The following HDDC3 variants were observed in gnomAD, a reference collection of about 807,000 sequenced individuals.
HDDC3 encodes the protein HD domain containing 3.
A neutral mutation model predicts 19.1 loss-of-function variants in HDDC3; 18 were observed. The ratio of observed to expected loss-of-function variants is 0.94; its 90% CI spans 0.65 to 1.40. The LOEUF is 1.40. Ranked by LOEUF, HDDC3 falls within the 40% of genes most tolerant of loss-of-function variation. The pLI, the probability that HDDC3 is intolerant of heterozygous loss-of-function variation, is 0.00. For synonymous variants in HDDC3, 107 were observed against 99.4 expected (o/e 1.08, Z -0.46); for missense variants, 250 against 228.9 (o/e 1.09, Z -0.59).
At chr15:90,931,512 G>A (rs9806656) in intron 3 of HDDC3, 107 bp from the exon 4 acceptor site, 37 of 1,614,050 alleles carry the variant, frequency 2.3e-5, no homozygotes, top group East Asian at 4.5e-5. Context: ...CTGATGGAAT[G>A]AGCTGTCCTG....
At position 90,932,039 on chromosome 15, in the gene HDDC3, G is replaced by A; in HGVS notation, c.168+16C>T. ...ATCCCCATCCCAGGCTCCTGGCAGA[G>A]AAGGGGGAAAGTTACCTGTAACACC... On this transcript the variant is annotated intron_variant, in intron 2 of 3. Transcript: ENST00000394272. 6.2e-7 allele frequency: 1 copy of A among 1,613,956 alleles called. No homozygotes were observed. Among genetic ancestry groups the A allele is most frequent in the Non-Finnish European group, 8.5e-7 (1 of 1,179,932 alleles).
chr15:90,931,737 T>C lies in HDDC3; in HGVS notation c.376A>G (p.Asn126Asp). The C allele has an allele frequency of 6.2e-7, 1 of 1,614,130 alleles. No individual in the cohort carries two copies. The highest frequency in any genetic ancestry group is 1.1e-5 in the South Asian group (1 of 91,078). Reference protein sequence around the residue: ...KLVKLADKLYNLRDLNRCTPE... With the variant: ...KLVKLADKLYDLRDLNRCTPE... ...GTGCAGCGATTCAGGTCCCTCAGAT[T>C]GTACAGCTTGTCTGCCAGCTTCACC... The change falls in exon 3 of 4, where the codon AAT becomes GAT. Residue 126 changes from asparagine to aspartate, a missense_variant. Transcript: ENST00000394272.
chr15:90,932,221 G>A (rs2035825188), intron 1 of HDDC3, 111 bp from the exon 2 acceptor site: 3 of 1,228,460 alleles, frequency 2.4e-6, no homozygotes, highest in Middle Eastern at 2.6e-4. Flanking sequence ...CTAGCTGGGT[G>A]ACCTTGGTCA....
chr15:90,932,195 C>A (rs2035823727), intron 1 of HDDC3, 85 bp from the exon 2 acceptor site: 1 of 1,393,738 alleles, frequency 7.2e-7, no homozygotes, highest in South Asian at 1.4e-5. Flanking sequence ...CAGATGTGGC[C>A]CCTTGTGGAC....
chr15:90,932,083 G>A lies in HDDC3; in HGVS notation c.140C>T (p.Ala47Val), dbSNP rs780552478. 4 of 1,608,080 alleles carry A rather than the reference G, an allele frequency of 2.5e-6. No individual in the cohort carries two copies. The African/African-American group carries it at 5.3e-5, about 21-fold the overall frequency. The change falls in exon 2 of 4, where the codon GCG (alanine) becomes GTG (valine). Residue 47 changes from alanine (A) to valine (V), a missense_variant. Coordinates refer to ENST00000394272, the MANE Select transcript of HDDC3 (RefSeq NM_001286451.2). ...IGVARILTHE[A>V]GITDIVVLQA... ...TAACACCACAATGTCAGTGATTCCC[G>A]CCTCGTGGGTCAGGATCCGTGCCAC...
chr15:90,931,150 T>C lies in HDDC3; in HGVS notation c.*125A>G. 2 of 1,195,872 alleles carry C rather than the reference T, an allele frequency of 1.7e-6. No individual in the cohort carries two copies. The highest frequency in any genetic ancestry group is 1.5e-5 in the African/African-American group (1 of 65,100). 74.1% of individuals were successfully genotyped at this position (1,195,872 alleles called of 1,614,324 possible). A position where few individuals can be genotyped will look rare whatever the true frequency, so the allele number is the denominator to read the frequency against. On this transcript the variant is annotated 3_prime_UTR_variant, in exon 4 of 4. Transcript: ENST00000394272. The stretch of plus-strand genomic sequence containing the variant: ...TTCAGACTGAGAAAAAATGCAAGTC[T>C]TTTTTTGGCCTCTAATATCTGGGAA...
At chr15:90,932,308 G>A (rs1596201555) in intron 1 of HDDC3, 121 bp downstream of exon 1, 2 of 794,452 alleles carry the variant, frequency 2.5e-6, no homozygotes, top group East Asian at 2.8e-5. Flanking sequence ...AGGCTTAAAC[G>A]GTATATCGCA....
rs2035841933 is a variant in HDDC3 at position 90,932,548 on chromosome 15, A to T, written c.-8T>A. ...CGCCGCCTCAGAGCCCATCGCGCGG[A>T]TGGGGCCGACGACTGCGGCCGCAGG... On this transcript the variant is annotated 5_prime_UTR_variant, in exon 1 of 4. Transcript: ENST00000394272. The T allele has an allele frequency of 8.0e-7, 1 of 1,254,388 alleles. No individual in the cohort carries two copies. The highest frequency in any genetic ancestry group is 1.0e-6 in the Non-Finnish European group (1 of 998,638). 77.7% of individuals were successfully genotyped at this position (1,254,388 alleles called of 1,614,324 possible).
At chr15:90,932,284 T>C in intron 1 of HDDC3, 145 bp downstream of exon 1, 1 of 839,742 alleles carries the variant, frequency 1.2e-6, no homozygotes, top group Non-Finnish European at 1.8e-6. Flanking sequence ...ATGCCTACCG[T>C]TCCAATTGTT....
Position 90,931,259 on chromosome 15 carries a change from T to G in HDDC3, c.*16A>C. ...ACGAGGCTGGAGTTGTGCCTCTGGATAGCTTCAAGCACTGATCAGATTGTC... is the reference window on the plus strand; with the variant it reads ...ACGAGGCTGGAGTTGTGCCTCTGGAGAGCTTCAAGCACTGATCAGATTGTC... On this transcript the variant is annotated 3_prime_UTR_variant, in exon 4 of 4. Coordinates refer to ENST00000394272, the MANE Select transcript of HDDC3 (RefSeq NM_001286451.2). The G allele has an allele frequency of 6.4e-7, 1 of 1,550,724 alleles. No homozygotes were observed. Among genetic ancestry groups the G allele is most frequent in the Non-Finnish European group, 8.7e-7 (1 of 1,146,996 alleles).
In HDDC3 at chr15:90,932,075, T is replaced by C. The variant is rs1355938447; in HGVS notation, c.148A>G (p.Thr50Ala). The C allele has an allele frequency of 1.2e-6, 2 of 1,610,448 alleles. No homozygotes were observed. The highest frequency in any genetic ancestry group is 4.5e-5 in the East Asian group (2 of 44,832). The stretch of plus-strand genomic sequence containing the variant: ...GTTACCTGTAACACCACAATGTCAG[T>C]GATTCCCGCCTCGTGGGTCAGGATC... ...ARILTHEAGI[T>A]DIVVLQAALL... Residue 50 changes from threonine to alanine, a missense_variant, in exon 2 of 4, where the codon ACT becomes GCT. Coordinates refer to ENST00000394272, the MANE Select transcript of HDDC3 (RefSeq NM_001286451.2).
At chr15:90,932,324 C>T in intron 1 of HDDC3, 105 bp downstream of exon 1, 1 of 824,298 alleles carries the variant, frequency 1.2e-6, no homozygotes, top group South Asian at 2.0e-5. Context: ...TCGCACTAAG[C>T]TTGGGACAAA....
chr15:90,931,401 C>T lies in HDDC3; in HGVS notation c.414G>A (p.Trp138Ter), dbSNP rs117318472. ...RDLNRCTPEG[W>*]SEHRVQEYFE... ...AGTATTCCTGGACTCGATGTTCTGA[C>T]CATCCTGCATAAGAGTCGACAGAAA... Residue 138 changes from tryptophan (W) to a stop codon, truncating the protein, a stop_gained, in exon 4 of 4, where the codon TGG (tryptophan) becomes TGA (stop). Coordinates refer to ENST00000394272, the MANE Select transcript of HDDC3 (RefSeq NM_001286451.2). LOFTEE classifies it high-confidence loss of function. 8,095 of 1,582,088 alleles carry T rather than the reference C, an allele frequency of 5.1e-3. 28 individuals carry two copies. The highest frequency in any genetic ancestry group is 6.4e-3 in the Non-Finnish European group (7,501 of 1,163,320).
chr15:90,931,765 T>TTTGGCCC lies in HDDC3; in HGVS notation c.341_347dup (p.Leu117GlyfsTer70). 6.2e-7 allele frequency: 1 copy of TTTGGCCC among 1,614,104 alleles called. No homozygotes were observed. Among genetic ancestry groups the TTTGGCCC allele is most frequent in the Non-Finnish European group, 8.5e-7 (1 of 1,180,022 alleles). On this transcript the variant is annotated frameshift_variant, in exon 3 of 4. Transcript: ENST00000394272. LOFTEE classifies it high-confidence loss of function. Reference sequence around the variant, plus strand: ...ACAGCTTGTCTGCCAGCTTCACCAGTTTGGCCCCGGGGCTACTGTGGGGCG... The same window carrying TTTGGCCC: ...ACAGCTTGTCTGCCAGCTTCACCAGTTTGGCCCTTGGCCCCGGGGCTACTGTGGGGCG...
At chr15:90,932,296 T>G in intron 1 of HDDC3, 133 bp downstream of exon 1, 1 of 824,480 alleles carries the variant, frequency 1.2e-6, no homozygotes, top group Non-Finnish European at 1.8e-6. Flanking sequence ...CCAATTGTTA[T>G]GAGGCTTAAA....
intron 3 of HDDC3, 50 bp from the exon 4 acceptor site, chr15:90,931,455 T>A: frequency 6.2e-7 from 1 of 1,613,780 alleles, no homozygotes; most frequent in Non-Finnish European, 8.5e-7. Flanking sequence ...AGGAAAGCAC[T>A]GCCTTTTCCC....
At chr15:90,931,667 C>G in intron 3 of HDDC3, 37 bp downstream of exon 3, 1 of 1,613,924 alleles carries the variant, frequency 6.2e-7, no homozygotes, top group African/African-American at 1.3e-5. Flanking sequence ...GGCGGCATCC[C>G]CCTCCCTTTT....
In HDDC3 at chr15:90,932,181, G is replaced by A. The variant is rs114863118; in HGVS notation, c.113-71C>T. The A allele has an allele frequency of 1.8e-4, 261 of 1,487,066 alleles. No individual in the cohort carries two copies. The African/African-American group carries it at 3.1e-3, about 18-fold the overall frequency. 92.1% of individuals were successfully genotyped at this position (1,487,066 alleles called of 1,614,324 possible). A position where few individuals can be genotyped will look rare whatever the true frequency, so the allele number is the denominator to read the frequency against. ...AAGGCGGTGTGTTGTGGGTTTTGGA[G>A]AGCCAGATGTGGCCCCTTGTGGACT... On this transcript the variant is annotated intron_variant, in intron 1 of 3. Transcript: ENST00000394272.
Position 90,931,901 on chromosome 15 carries a change from AGGGTGGTGTC to A in HDDC3, c.202_211del (p.Asp68TrpfsTer19). The A allele has an allele frequency of 1.2e-6, 2 of 1,614,026 alleles. No individual in the cohort carries two copies. Among genetic ancestry groups the A allele is most frequent in the Non-Finnish European group, 1.7e-6 (2 of 1,180,018 alleles). ...CCCAAAGTGTAGCTCCACCTCATCCAGGGTGGTGTCTGTGTCCTCCACCGTGTCATGGAGC... is the reference window on the plus strand; with the variant it reads ...CCCAAAGTGTAGCTCCACCTCATCCATGTGTCCTCCACCGTGTCATGGAGC... On this transcript the variant is annotated frameshift_variant, in exon 3 of 4. Transcript: ENST00000394272. LOFTEE classifies it high-confidence loss of function.
Sources: gnomAD v4.1 joint callset for allele counts on GRCh38, gnomAD v4.1.1 for gene constraint, MANE v1.5 for transcripts, NCBI Gene and HGNC (gene_info 2026-07-23, HGNC 2026-07-21) for gene names.